OOSP2: variants seen among roughly 807,000 people sequenced by gnomAD.
OOSP2 encodes the protein oocyte-secreted protein 2.
A neutral mutation model predicts 13.4 loss-of-function variants in OOSP2; 7 were observed. The ratio of observed to expected loss-of-function variants is 0.52; its 90% CI spans 0.30 to 0.98. The LOEUF (loss-of-function observed/expected upper bound fraction) is 0.98. OOSP2 is among the 50% of genes least tolerant of loss of function. The probability of loss-of-function intolerance (pLI) is 0.07; values close to 1 mark genes in which losing one functional copy is unlikely to be tolerated. For missense variants in OOSP2, 184 were observed against 188.5 expected, an observed-to-expected ratio of 0.98 and a Z score of 0.14; for synonymous variants, 75 against 67.2, an observed-to-expected ratio of 1.12 and a Z score of -0.57.
intron 3 of OOSP2, 22 bp downstream of exon 3, chr11:60,044,796 C>A: frequency 8.7e-7 from 1 of 1,147,066 alleles, no homozygotes; most frequent in Non-Finnish European, 1.3e-6. Flanking sequence ...AGATTTGATT[C>A]CTTTGGAATG....
intron 1 of OOSP2, 53 bp downstream of exon 1, chr11:60,040,576 C>A (rs1027639391): frequency 1.0e-6 from 1 of 987,656 alleles, no homozygotes; most frequent in South Asian, 1.3e-5. Flanking sequence ...TCATAATGAT[C>A]GCTTTCCATG....
Position 60,047,111 on chromosome 11 carries a change from T to C in OOSP2, c.*38T>C, listed in dbSNP as rs147627409. 1.8e-4 allele frequency: 286 copies of C among 1,552,626 alleles called. 2 individuals carry two copies. In the East Asian group the frequency reaches 5.7e-3, roughly 31 times the overall value. On this transcript the variant is annotated 3_prime_UTR_variant, in exon 4 of 4. Transcript: ENST00000278855. ...ATGGAAACTTGAAGCTGGTGTTATG[T>C]ATTTTGCAGGAAAACAGTTTCATTT...
chr11:60,044,610 G>C, intron 2 of OOSP2, 61 bp from the exon 3 acceptor site: 1 of 732,606 alleles, frequency 1.4e-6, no homozygotes, highest in Non-Finnish European at 2.4e-6. Context: ...TCCTATTCAA[G>C]TGTGTGTATT....
rs371808335 is a variant in OOSP2, at chr11:60,044,755, T to C, written c.328T>C (p.Leu110=). ...AGATCATGACCCTCAGGAAATCCAT[T>C]TGGAGTGTTCCACCTCTAGGTAAGT... ...NIDHDPQEIH[L]ECSTSRKSVW... Residue 110 remains leucine (L), a synonymous_variant, in exon 3 of 4, where the codon TTG becomes CTG. Transcript: ENST00000278855. The C allele has an allele frequency of 7.0e-6, 11 of 1,574,956 alleles. No homozygotes were observed. Among genetic ancestry groups the C allele is most frequent in the South Asian group, 1.1e-5 (1 of 89,756 alleles).
chr11:60,041,850 C>CAAAAAAAAAAAAAAAA (rs571172974), intron 1 of OOSP2, among the ~76,000 whole-genome samples: 4 of 36,438 alleles, frequency 1.1e-4, no homozygotes, highest in African/African-American at 3.5e-4. Context: ...GACTCTGTCT[C>CAAAAAAAAAAAAAAAA]AAAAAAAAAA....
chr11:60,043,525 A>G lies in OOSP2; in HGVS notation c.121A>G (p.Ser41Gly). ...GGTCTCAGTTATCCCAGTTGCAGAAAGCAGAAATCTGTATATATTTGCGGA... is the reference window on the plus strand; with the variant it reads ...GGTCTCAGTTATCCCAGTTGCAGAAGGCAGAAATCTGTATATATTTGCGGA... ...LMVSVIPVAE[S>G]RNLYIFADEL... Residue 41 changes from serine (S) to glycine (G), a missense_variant, in exon 2 of 4, where the codon AGC becomes GGC. Ser to Gly is a moderately conservative substitution (Grantham distance 56, BLOSUM62 0). Coordinates refer to ENST00000278855, the MANE Select transcript of OOSP2 (RefSeq NM_173801.5). 1 of 1,613,394 alleles carries G rather than the reference A, an allele frequency of 6.2e-7. No homozygotes were observed.
At chr11:60,045,372 T>G (rs1208962661) in intron 3 of OOSP2, among the ~76,000 whole-genome samples, 1 of 152,116 alleles carries the variant, frequency 6.6e-6, no homozygotes, top group Admixed American at 6.5e-5. Flanking sequence ...TACACTTTTT[T>G]TTTTTTTGCC....
chr11:60,041,987 C>T (rs1420233739), intron 1 of OOSP2, among the ~76,000 whole-genome samples: 1 of 147,734 alleles, frequency 6.8e-6, no homozygotes, highest in African/African-American at 2.5e-5. Flanking sequence ...TGGCGGGTGC[C>T]TGTAGCCTGT....
At chr11:60,040,585 T>C in intron 1 of OOSP2, 62 bp downstream of exon 1, 1 of 951,432 alleles carries the variant, frequency 1.1e-6, no homozygotes. Flanking sequence ...TCGCTTTCCA[T>C]GCAGGTGTTT....
rs776170246 is a variant in OOSP2 at position 60,046,755 on chromosome 11, T to A, written c.348-189T>A. On this transcript the variant is annotated intron_variant, in intron 3 of 3. Coordinates refer to ENST00000278855, the MANE Select transcript of OOSP2 (RefSeq NM_173801.5). ...CATGGGGAGACTATCTGGAATTAGT[T>A]CTTCTGTAAGCCTATCTGCTCAAAT... is the stretch of plus-strand genomic sequence containing the variant. 3 of 709,174 alleles carry A rather than the reference T, an allele frequency of 4.2e-6. No individual in the cohort carries two copies. In the South Asian group the frequency reaches 4.3e-5, roughly 10 times the overall value. The allele number at this position is 709,174 out of a possible 1,614,324, so 43.9% of individuals were successfully genotyped here.
rs1854969546 is a variant in OOSP2 at position 60,043,642 on chromosome 11, A to G, written c.238A>G (p.Thr80Ala). Residue 80 changes from threonine (T) to alanine (A), a missense_variant, in exon 2 of 4, where the codon ACA becomes GCA. Physicochemically the swap from Thr to Ala is moderately conservative, Grantham distance 58. Coordinates refer to ENST00000278855, the MANE Select transcript of OOSP2 (RefSeq NM_173801.5). ...IYLVRDCGIRTRVVSEETLLF... is the reference protein window; with the variant it reads ...IYLVRDCGIRARVVSEETLLF... The stretch of plus-strand genomic sequence containing the variant: ...TCTTGTTCGTGATTGTGGCATCAGG[A>G]CAAGGGTAAGAACAGTGATTGTTTG... 3.2e-6 allele frequency: 5 copies of G among 1,578,186 alleles called. No individual in the cohort carries two copies. In the South Asian group the frequency reaches 3.4e-5, roughly 11 times the overall value.
chr11:60,046,058 T>TTGTCTGTCTCTCTC (rs1301809136), intron 3 of OOSP2, among the ~76,000 whole-genome samples: 6 of 144,374 alleles, frequency 4.2e-5, no homozygotes, highest in Non-Finnish European at 7.6e-5. Context: ...CTCTCTGTCT[T>TTGTCTGTCTCTCTC]TGTCTGTCTC....
In OOSP2 at chr11:60,045,025, C is replaced by T. The variant is rs74444713; in HGVS notation, c.347+251C>T. 5.7e-3 allele frequency among the ~76,000 whole-genome samples: 873 copies of T among 152,126 alleles called. 44 individuals carry two copies. In the East Asian group the frequency reaches 0.12, roughly 22 times the overall value. On this transcript the variant is annotated intron_variant, in intron 3 of 3. Coordinates refer to ENST00000278855, the MANE Select transcript of OOSP2 (RefSeq NM_173801.5). ...TAATGGTCCTAACAATCTAGTGTAA[C>T]TATGTTATTTTATAATAACTCAACT... is the stretch of plus-strand genomic sequence containing the variant.
chr11:60,046,058 T>TC (rs1855003279), intron 3 of OOSP2, among the ~76,000 whole-genome samples: 3 of 144,374 alleles, frequency 2.1e-5, no homozygotes, highest in Non-Finnish European at 4.6e-5. Context: ...CTCTCTGTCT[T>TC]TGTCTGTCTC....
intron 3 of OOSP2, 100 bp from the exon 4 acceptor site, chr11:60,046,844 A>G: frequency 3.1e-6 from 3 of 972,784 alleles, no homozygotes; most frequent in East Asian, 4.8e-5. Context: ...CATACTCCTG[A>G]ATGACTATTC....
intron 1 of OOSP2, among the ~76,000 whole-genome samples, chr11:60,042,906 TCTTA>T (rs1477003188): frequency 2.2e-4 from 33 of 152,182 alleles, no homozygotes; most frequent in African/African-American, 7.7e-4. Flanking sequence ...TCATTTTCTT[TCTTA>T]TTTTTTTTTT....
chr11:60,043,435 C>G, intron 1 of OOSP2, 34 bp from the exon 2 acceptor site: 1 of 1,455,810 alleles, frequency 6.9e-7, no homozygotes, highest in Non-Finnish European at 9.6e-7. Flanking sequence ...AGATAGACAC[C>G]CTTCTGATGC....
rs891123229 is a variant in OOSP2 at position 60,046,870 on chromosome 11, T to C, written c.348-74T>C. ...ATGACTATTCTGTATATGATCATGA[T>C]ATTAAACAGTGGTAAAACTGACTTG... On this transcript the variant is annotated intron_variant, in intron 3 of 3. Coordinates refer to ENST00000278855, the MANE Select transcript of OOSP2 (RefSeq NM_173801.5). 4 of 1,157,038 alleles carry C rather than the reference T, an allele frequency of 3.5e-6. No individual in the cohort carries two copies. In the African/African-American group the frequency reaches 4.5e-5, roughly 13 times the overall value. 71.7% of individuals were successfully genotyped at this position (1,157,038 alleles called of 1,614,324 possible). A position where few individuals can be genotyped will look rare whatever the true frequency, so the allele number is the denominator to read the frequency against.
intron 3 of OOSP2, among the ~76,000 whole-genome samples, chr11:60,045,383 A>G (rs1854995092): frequency 6.7e-6 from 1 of 150,300 alleles, no homozygotes; most frequent in East Asian, 1.9e-4. Flanking sequence ...TTTTTTTGCC[A>G]TGCCATTGAA....
Sources: gnomAD v4.1 joint callset for allele counts (sites outside exome capture counted in the v4.1 genomes callset) on GRCh38, gnomAD v4.1.1 for gene constraint, MANE v1.5 for transcripts, NCBI Gene and HGNC (gene_info 2026-07-23, HGNC 2026-07-21) for gene names.